PRPF38A: variants seen among roughly 807,000 people sequenced by gnomAD.
The protein encoded by PRPF38A is pre-mRNA processing factor 38A.
In PRPF38A, 11 loss-of-function variants were observed where a neutral mutation model predicts 46.8. That is an observed-to-expected ratio of 0.24 (90% CI 0.15 to 0.39). The LOEUF (loss-of-function observed/expected upper bound fraction) is 0.39. PRPF38A is among the 10% of genes least tolerant of loss of function. The probability of loss-of-function intolerance (pLI) is 1.00; values close to 1 mark genes in which losing one functional copy is unlikely to be tolerated. For synonymous variants in PRPF38A, 124 were observed against 136.2 expected (o/e 0.91, Z 0.62); for missense variants, 261 against 407.5 (o/e 0.64, Z 3.10).
At chr1:52,413,600 G>A (rs1281090813) in intron 5 of PRPF38A, among the ~76,000 whole-genome samples, 1 of 152,058 alleles carries the variant, frequency 6.6e-6, no homozygotes, top group Non-Finnish European at 1.5e-5. Flanking sequence ...ATTTCACCAT[G>A]TTGCCCAGGC....
At chr1:52,415,264 T>C (rs1648256317) in intron 8 of PRPF38A, 74 bp from the exon 9 acceptor site, 1 of 1,453,764 alleles carries the variant, frequency 6.9e-7, no homozygotes, top group Admixed American at 1.8e-5. Flanking sequence ...ATGGCAGGTA[T>C]TAGGGGAGGT....
At chr1:52,416,520 G>T in intron 9 of PRPF38A, 128 bp from the exon 10 acceptor site, 1 of 633,220 alleles carries the variant, frequency 1.6e-6, no homozygotes, top group East Asian at 2.9e-5. Context: ...TGTTGGCCAG[G>T]CTGGTCTCGA....
At chr1:52,411,908 A>AAG (rs1648160679) in intron 4 of PRPF38A, among the ~76,000 whole-genome samples, 1 of 152,150 alleles carries the variant, frequency 6.6e-6, no homozygotes, top group Non-Finnish European at 1.5e-5. Flanking sequence ...GGCTGTTCTT[A>AAG]AACTCCTGGG....
intron 3 of PRPF38A, among the ~76,000 whole-genome samples, chr1:52,410,115 CAT>C (rs1396737386): frequency 3.4e-5 from 5 of 147,402 alleles, no homozygotes; most frequent in East Asian, 2.0e-4. Flanking sequence ...TATACATAAT[CAT>C]ATATAATTTA....
rs543375321 is a variant in PRPF38A, at chr1:52,404,842, G to A, written c.93G>A (p.Glu31=). 1.9e-6 allele frequency: 3 copies of A among 1,614,256 alleles called. No homozygotes were observed. Among genetic ancestry groups the A allele is most frequent in the East Asian group, 2.2e-5 (1 of 44,890 alleles). The change falls in exon 1 of 10, where the codon GAG becomes GAA. Residue 31 remains glutamate (E), a synonymous_variant. Transcript: ENST00000257181. ...VEKIIRTRIY[E]SKYWKEECFG... ...AGATCATTCGAACGCGAATCTATGA[G>A]TCCAAGTACTGGAAAGAGGAGTGCT...
chr1:52,408,883 C>A, intron 3 of PRPF38A, 193 bp downstream of exon 3: 1 of 542,436 alleles, frequency 1.8e-6, no homozygotes, highest in Non-Finnish European at 3.1e-6. Flanking sequence ...TGGCCTTACC[C>A]AGCCTGCCTC....
rs951330547 is a variant in PRPF38A, at chr1:52,419,446, T to C, written c.*2756T>C. 2 of 151,962 alleles carry C rather than the reference T, an allele frequency of 1.3e-5. No individual in the cohort carries two copies. The highest frequency in any genetic ancestry group is 6.6e-5 in the Admixed American group (1 of 15,260). The allele number at this position is 151,962 out of a possible 1,614,324, so 9.4% of individuals were successfully genotyped here. A position where few individuals can be genotyped will look rare whatever the true frequency, so the allele number is the denominator to read the frequency against. On this transcript the variant is annotated 3_prime_UTR_variant, in exon 10 of 10. Coordinates refer to ENST00000257181, the MANE Select transcript of PRPF38A (RefSeq NM_032864.4). ...ACTTCAAGCTCATTCCTCTAACCTC[T>C]TCCTGTTTGTTATTCTTCAGTAGAC... is the stretch of plus-strand genomic sequence containing the variant.
chr1:52,412,979 G>A (rs1366091874), intron 5 of PRPF38A, among the ~76,000 whole-genome samples: 1 of 152,124 alleles, frequency 6.6e-6, no homozygotes, highest in East Asian at 1.9e-4. Flanking sequence ...TCCAGCTTGG[G>A]CAAAAGTGAG....
At position 52,415,402 on chromosome 1, in the gene PRPF38A, C is replaced by G. The variant is rs373431661; in HGVS notation, c.896+16C>G. The G allele has an allele frequency of 1.6e-5, 26 of 1,606,740 alleles. No individual in the cohort carries two copies. Among genetic ancestry groups the G allele is most frequent in the Non-Finnish European group, 2.2e-5 (26 of 1,174,004 alleles). On this transcript the variant is annotated intron_variant, in intron 9 of 9. Coordinates refer to ENST00000257181, the MANE Select transcript of PRPF38A (RefSeq NM_032864.4). Reference sequence around the variant, plus strand: ...CTCCCGAAAGGTAATGAATTGACCTCTATTTTAACTTTACAGAAATAGTCC... The same window carrying G: ...CTCCCGAAAGGTAATGAATTGACCTGTATTTTAACTTTACAGAAATAGTCC...
Position 52,404,626 on chromosome 1 carries a change from G to T in PRPF38A, c.-124G>T. Reference sequence around the variant, plus strand: ...TACACTACGGTGTTTCCGGCTTCAAGATGGTCGCCTAAGCTGTTTAGTGAA... The same window carrying T: ...TACACTACGGTGTTTCCGGCTTCAATATGGTCGCCTAAGCTGTTTAGTGAA... On this transcript the variant is annotated 5_prime_UTR_variant, in exon 1 of 10. Transcript: ENST00000257181. 1.8e-6 allele frequency: 2 copies of T among 1,086,892 alleles called. No individual in the cohort carries two copies. Among genetic ancestry groups the T allele is most frequent in the Non-Finnish European group, 2.6e-6 (2 of 763,568 alleles). 67.3% of individuals were successfully genotyped at this position (1,086,892 alleles called of 1,614,324 possible).
In PRPF38A at chr1:52,414,842, C is replaced by A. The variant is rs1648245720; in HGVS notation, c.830C>A (p.Ser277Tyr). ...RSRSRDRRHR[S>Y]RSKSPGHHRS... ...AGGTCCCGAGATCGGCGGCACAGAT[C>A]CCGTTCCAAGTCCCCAGGTAAAGCT... Residue 277 changes from serine to tyrosine, a missense_variant, in exon 8 of 10, where the codon TCC (serine) becomes TAC (tyrosine). Ser to Tyr is a moderately radical substitution (Grantham distance 144). Transcript: ENST00000257181. The A allele has an allele frequency of 6.2e-7, 1 of 1,613,936 alleles. No individual in the cohort carries two copies. The highest frequency in any genetic ancestry group is 1.1e-5 in the South Asian group (1 of 91,066).
At chr1:52,415,430 A>G in intron 9 of PRPF38A, 44 bp downstream of exon 9, 1 of 1,527,896 alleles carries the variant, frequency 6.5e-7, no homozygotes, top group East Asian at 2.3e-5. Context: ...AATAGTCCAA[A>G]TTACAACTAA....
intron 2 of PRPF38A, among the ~76,000 whole-genome samples, chr1:52,406,466 A>G (rs868524372): frequency 1.1e-4 from 16 of 152,322 alleles, no homozygotes; most frequent in South Asian, 2.1e-4. Flanking sequence ...AAACAACAAA[A>G]GGTGGTGGTT....
intron 3 of PRPF38A, chr1:52,409,491 A>G (rs377443638): frequency 6.6e-6 from 1 of 152,252 alleles, no homozygotes; most frequent in Non-Finnish European, 1.5e-5. Flanking sequence ...CACACCTGTA[A>G]TCCCAGCTAC....
intron 1 of PRPF38A, 66 bp downstream of exon 1, chr1:52,404,945 G>T: frequency 6.3e-7 from 1 of 1,583,042 alleles, no homozygotes; most frequent in South Asian, 1.1e-5. Context: ...CCGAGCGCGG[G>T]TAGGACTAGC....
rs1367853286 is a variant in PRPF38A, at chr1:52,418,138, A to G, written c.*1448A>G. 6.6e-6 allele frequency: 1 copy of G among 152,640 alleles called. No individual in the cohort carries two copies. Among genetic ancestry groups the G allele is most frequent in the African/African-American group, 2.4e-5 (1 of 41,452 alleles). The allele number at this position is 152,640 out of a possible 1,614,324, so 9.5% of individuals were successfully genotyped here. On this transcript the variant is annotated 3_prime_UTR_variant, in exon 10 of 10. Transcript: ENST00000257181. Reference sequence around the variant, plus strand: ...TCTATATATTCTATGCCTGCTCTAGAATTGAAAGACTTCAGCAGTATTAAA... The same window carrying G: ...TCTATATATTCTATGCCTGCTCTAGGATTGAAAGACTTCAGCAGTATTAAA...
chr1:52,406,955 A>G lies in PRPF38A; in HGVS notation c.290+1116A>G, dbSNP rs139998744. Among the ~76,000 whole-genome samples the G allele has an allele frequency of 3.9e-5, 6 of 152,350 alleles. No homozygotes were observed. In the East Asian group the frequency reaches 7.7e-4, roughly 20 times the overall value. On this transcript the variant is annotated intron_variant, in intron 2 of 9. Transcript: ENST00000257181. ...TCGTACAAAGAAACTATGACTTTCA[A>G]AAGCCTCCTAGTTACCCAAGAGGAA... is the stretch of plus-strand genomic sequence containing the variant.
In PRPF38A at chr1:52,413,863, A is replaced by C; in HGVS notation, c.610-16A>C. On this transcript the variant is annotated splice_polypyrimidine_tract_variant and intron_variant, in intron 5 of 9. Transcript: ENST00000257181. Reference sequence around the variant, plus strand: ...TAAGCCTGTGCCTTTCAATGACCCAATCATCTTGTTTCCAGTTGGAAAGAG... The same window carrying C: ...TAAGCCTGTGCCTTTCAATGACCCACTCATCTTGTTTCCAGTTGGAAAGAG... The C allele has an allele frequency of 6.4e-7, 1 of 1,557,058 alleles. No individual in the cohort carries two copies. Among genetic ancestry groups the C allele is most frequent in the Non-Finnish European group, 8.9e-7 (1 of 1,128,142 alleles).
In PRPF38A at chr1:52,404,652, ACTT is replaced by A; in HGVS notation, c.-93_-91del. The A allele has an allele frequency of 7.1e-7, 1 of 1,401,510 alleles. No individual in the cohort carries two copies. The highest frequency in any genetic ancestry group is 1.4e-5 in the South Asian group (1 of 73,996). The allele number at this position is 1,401,510 out of a possible 1,614,324, so 86.8% of individuals were successfully genotyped here. Reference sequence around the variant, plus strand: ...ATGGTCGCCTAAGCTGTTTAGTGAAACTTCTTCCACCTTTCTCCATTCCTCTAG... The same window carrying A: ...ATGGTCGCCTAAGCTGTTTAGTGAAACTTCCACCTTTCTCCATTCCTCTAG... On this transcript the variant is annotated 5_prime_UTR_variant, in exon 1 of 10. Transcript: ENST00000257181.
Sources: gnomAD v4.1 joint callset for allele counts (sites outside exome capture counted in the v4.1 genomes callset) on GRCh38, gnomAD v4.1.1 for gene constraint, MANE v1.5 for transcripts, NCBI Gene and HGNC (gene_info 2026-07-23, HGNC 2026-07-21) for gene names.